Variants in RGS7 observed in about 807,000 individuals in gnomAD.
The protein encoded by RGS7 is regulator of G-protein signaling 7.
A neutral mutation model predicts 81.1 loss-of-function variants in RGS7; 27 were observed. The ratio of observed to expected loss-of-function variants is 0.33; its 90% confidence interval spans 0.25 to 0.46. RGS7 has a LOEUF of 0.46. Among genes scored for constraint, RGS7 ranks in the 20% least tolerant of loss-of-function variants. The pLI is 1.00. For missense variants in RGS7, 396 were observed against 607.4 expected (o/e 0.65, Z 3.66); for synonymous variants, 208 against 207.7 (o/e 1.00, Z -0.01).
intron 4 of RGS7, among the ~76,000 whole-genome samples, chr1:240,963,138 G>C (rs545492415): frequency 6.6e-6 from 1 of 152,284 alleles, no homozygotes; most frequent in East Asian, 1.9e-4. Context: ...GGAATGAGGA[G>C]TGAGATAGTG....
At position 240,906,747 on chromosome 1, in the gene RGS7, T is replaced by C. The variant is rs948676485; in HGVS notation, c.385+23970A>G. 1.1e-4 allele frequency among the ~76,000 whole-genome samples: 16 copies of C among 152,292 alleles called. No individual in the cohort carries two copies. In the East Asian group the frequency reaches 3.1e-3, roughly 29 times the overall value. On this transcript the variant is annotated intron_variant, in intron 6 of 18. Coordinates refer to ENST00000440928, the MANE Select transcript of RGS7 (RefSeq NM_001364886.1). ...GGCACTGGGCTGCCTTAGAAAAACA[T>C]TTCTTGGCTCAAAGAGGAGCCTCTT... is the stretch of plus-strand genomic sequence containing the variant.
chr1:240,774,794 G>A (rs1035001397), downstream of RGS7, among the ~76,000 whole-genome samples: 6 of 152,008 alleles, frequency 3.9e-5, no homozygotes, highest in Admixed American at 6.6e-5. Flanking sequence ...GGCCCTCCTC[G>A]TCCACAGGTT....
intron 3 of RGS7, among the ~76,000 whole-genome samples, chr1:241,075,567 A>G (rs144949263): frequency 4.3e-4 from 65 of 152,180 alleles, no homozygotes; most frequent in African/African-American, 1.4e-3. Context: ...GGCCATACAT[A>G]AATCACACTA....
intron 4 of RGS7, among the ~76,000 whole-genome samples, chr1:240,939,300 T>C (rs1425843219): frequency 6.6e-6 from 1 of 152,232 alleles, no homozygotes; most frequent in East Asian, 1.9e-4. Context: ...GATATGTTAA[T>C]TATTCTGATT....
chr1:241,227,157 T>G (rs546913475), intron 2 of RGS7, among the ~76,000 whole-genome samples: 15 of 152,264 alleles, frequency 9.9e-5, no homozygotes, highest in African/African-American at 2.6e-4. Flanking sequence ...AATAAGACCC[T>G]TGTACAGGAT....
At chr1:241,207,944 C>T (rs2074016838) in intron 2 of RGS7, among the ~76,000 whole-genome samples, 2 of 152,116 alleles carry the variant, frequency 1.3e-5, no homozygotes, top group Admixed American at 6.5e-5. Flanking sequence ...CTCCCTCTGT[C>T]ACCCAGGCTG....
intron 4 of RGS7, among the ~76,000 whole-genome samples, chr1:240,946,780 G>C (rs2148418936): frequency 6.6e-6 from 1 of 152,234 alleles, no homozygotes; most frequent in African/African-American, 2.4e-5. Flanking sequence ...ACTTAGGCAG[G>C]AAGAATAAGT....
rs763345331 is a variant in RGS7, at chr1:240,917,387, TAA to T, written c.385+13328_385+13329del. 6.4e-4 allele frequency among the ~76,000 whole-genome samples: 98 copies of T among 152,068 alleles called. 1 individual carries two copies. Among genetic ancestry groups the T allele is most frequent in the Admixed American group, 1.1e-3 (17 of 15,256 alleles). On this transcript the variant is annotated intron_variant, in intron 6 of 18. Transcript: ENST00000440928. ...AAAGTTTCTTAATTGATCTGATGGA[TAA>T]AAAAGTGTTCAAAATGATACCAGCA...
intron 2 of RGS7, among the ~76,000 whole-genome samples, chr1:241,174,736 T>C (rs545964858): frequency 3.7e-4 from 56 of 152,058 alleles, no homozygotes; most frequent in Non-Finnish European, 6.3e-4. Flanking sequence ...AACTGCTTCC[T>C]TCTCCCCTAT....
intron 2 of RGS7, among the ~76,000 whole-genome samples, chr1:241,305,122 C>T (rs536174158): frequency 3.0e-4 from 45 of 152,274 alleles, no homozygotes; most frequent in Admixed American, 1.2e-3. Context: ...GATTCTTTTA[C>T]GAGTTTTTAA....
intron 3 of RGS7, among the ~76,000 whole-genome samples, chr1:241,014,645 GCTCAA>G (rs763123919): frequency 2.2e-4 from 33 of 152,280 alleles, no homozygotes; most frequent in African/African-American, 7.7e-4. Context: ...CATGGAAACT[GCTCAA>G]CTCATTTATT....
intron 6 of RGS7, among the ~76,000 whole-genome samples, chr1:240,878,139 C>G (rs1426678537): frequency 6.6e-6 from 1 of 152,180 alleles, no homozygotes; most frequent in East Asian, 1.9e-4. Context: ...GAGAGCCCTA[C>G]CCCAGAGCTG....
chr1:241,091,719 C>A (rs1239524826), intron 3 of RGS7, among the ~76,000 whole-genome samples: 2 of 151,822 alleles, frequency 1.3e-5, no homozygotes, highest in Non-Finnish European at 2.9e-5. Flanking sequence ...GACCCTATCA[C>A]TACAAAAAGT....
chr1:241,109,618 C>T (rs1292214828), intron 2 of RGS7, among the ~76,000 whole-genome samples: 1 of 152,104 alleles, frequency 6.6e-6, no homozygotes, highest in African/African-American at 2.4e-5. Flanking sequence ...TGTTCACCAA[C>T]AGGACGTATT....
At chr1:241,327,057 GGAA>G (rs1318349571) in intron 2 of RGS7, among the ~76,000 whole-genome samples, 15 of 4,386 alleles carry the variant, frequency 3.4e-3, no homozygotes, top group South Asian at 0.015. Context: ...GGGAAAGGAA[GGAA>G]GAAGGAAGGA....
chr1:241,089,059 CTCTCTATATA>C (rs1285377433), intron 3 of RGS7, among the ~76,000 whole-genome samples: 13 of 44,016 alleles, frequency 3.0e-4, no homozygotes, highest in South Asian at 1.5e-3. Context: ...CTCTCTCTCT[CTCTCTATATA>C]TATATATATA....
intron 2 of RGS7, among the ~76,000 whole-genome samples, chr1:241,184,985 T>C (rs990462240): frequency 3.3e-5 from 5 of 152,144 alleles, no homozygotes; most frequent in Admixed American, 2.0e-4. Context: ...AAAGAAAATA[T>C]TATGGAAGTG....
At chr1:241,195,950 A>C (rs1056413760) in intron 2 of RGS7, among the ~76,000 whole-genome samples, 7 of 152,220 alleles carry the variant, frequency 4.6e-5, no homozygotes, top group African/African-American at 1.7e-4. Flanking sequence ...ATAGTTGCTG[A>C]GGATTTTTCC....
At chr1:241,253,525 ATGAAAATGGATCCCTAAC>A (rs1451480876) in intron 2 of RGS7, among the ~76,000 whole-genome samples, 7 of 152,150 alleles carry the variant, frequency 4.6e-5, no homozygotes, top group Admixed American at 2.6e-4. Flanking sequence ...TGAAGTGGAA[ATGAAAATGGATCCCTAAC>A]TGTGCAAGAG....
Sources: gnomAD v4.1 joint callset for allele counts (sites outside exome capture counted in the v4.1 genomes callset) on GRCh38, gnomAD v4.1.1 for gene constraint, MANE v1.5 for transcripts, NCBI Gene and HGNC (gene_info 2026-07-23, HGNC 2026-07-21) for gene names.